The following WBP2NL variants were observed in gnomAD, a reference collection of about 807,000 sequenced individuals.
WBP2NL encodes the protein WBP2 N-terminal like, also known as postacrosomal sheath WW domain-binding protein.
Under a neutral mutation model 23.3 loss-of-function variants are expected in WBP2NL, and 27 were observed. The ratio of observed to expected loss-of-function variants is 1.16; its 90% CI spans 0.85 to 1.60. The LOEUF (loss-of-function observed/expected upper bound fraction) is 1.60. WBP2NL is among the 40% of genes most tolerant of loss of function. The pLI is 0.00. For synonymous variants in WBP2NL, 151 were observed against 145.9 expected (o/e 1.03, Z -0.25); for missense variants, 370 against 389.5 (o/e 0.95, Z 0.42).
intron 4 of WBP2NL, among the ~76,000 whole-genome samples, chr22:42,021,789 CTTTTTTTT>C (rs11413615): frequency 7.5e-6 from 1 of 132,696 alleles, no homozygotes; most frequent in Non-Finnish European, 1.6e-5. Flanking sequence ...TTCTTTCTTT[CTTTTTTTT>C]TTTTTTTTTT....
chr22:41,999,014 A>G (rs1921243830), intron 1 of WBP2NL, 134 bp downstream of exon 1: 6 of 977,542 alleles, frequency 6.1e-6, no homozygotes, highest in East Asian at 3.7e-5. Flanking sequence ...TCCGCCCCCG[A>G]CCTTTGGGAG....
At chr22:42,052,245 C>T (rs983169886) in intron 8 of WBP2NL, among the ~76,000 whole-genome samples, 6 of 152,114 alleles carry the variant, frequency 3.9e-5, no homozygotes, top group Admixed American at 3.9e-4. Flanking sequence ...TTTCTGAGAA[C>T]TTCTTGAAGC....
chr22:42,052,325 C>G (rs891647905), intron 8 of WBP2NL, among the ~76,000 whole-genome samples: 2 of 152,070 alleles, frequency 1.3e-5, no homozygotes, highest in African/African-American at 2.4e-5. Context: ...CTCTGTCACC[C>G]AGGCTGGAGT....
intron 4 of WBP2NL, among the ~76,000 whole-genome samples, chr22:42,021,199 C>T (rs773866050): frequency 4.0e-5 from 6 of 151,860 alleles, no homozygotes; most frequent in African/African-American, 7.3e-5. Flanking sequence ...GGATCACAGG[C>T]GTGAGCCAGC....
Position 41,998,795 on chromosome 22 carries a change from G to A in WBP2NL, c.-24G>A, listed in dbSNP as rs370963419. Reference sequence around the variant, plus strand: ...CAGGTCCCGCCCCTTTCCATCTACGGGGCGGCAGGAGGCCCGAAGCAAGAT... The same window carrying A: ...CAGGTCCCGCCCCTTTCCATCTACGAGGCGGCAGGAGGCCCGAAGCAAGAT... On this transcript the variant is annotated 5_prime_UTR_variant, in exon 1 of 6. Transcript: ENST00000328823. 12 of 1,604,898 alleles carry A rather than the reference G, an allele frequency of 7.5e-6. No homozygotes were observed. The African/African-American group carries it at 1.5e-4, about 20-fold the overall frequency.
chr22:42,056,611 C>T lies in WBP2NL; in HGVS notation c.*274-1679C>T, dbSNP rs146996218. Reference sequence around the variant, plus strand: ...TTATCTGGGAATGTTTTCATGTTGCCTTCATTTTTGAAAGATAGTTTGGCC... The same window carrying T: ...TTATCTGGGAATGTTTTCATGTTGCTTTCATTTTTGAAAGATAGTTTGGCC... On this transcript the variant is annotated intron_variant and NMD_transcript_variant, in intron 8 of 8. Transcript: ENST00000436265. Among the ~76,000 whole-genome samples the T allele has an allele frequency of 3.4e-3, 522 of 152,184 alleles. 5 individuals carry two copies. Among genetic ancestry groups the T allele is most frequent in the African/African-American group, 0.012 (502 of 41,532 alleles).
At position 42,019,658 on chromosome 22, in the gene WBP2NL, G is replaced by T; in HGVS notation, c.172-4G>T. 6.2e-7 allele frequency: 1 copy of T among 1,613,922 alleles called. No homozygotes were observed. Reference sequence around the variant, plus strand: ...CCTTTTCCAAAGTTTCTGTCCTTGCGTAGGTGATTTTCATAACTTCATGCT... The same window carrying T: ...CCTTTTCCAAAGTTTCTGTCCTTGCTTAGGTGATTTTCATAACTTCATGCT... On this transcript the variant is annotated splice_region_variant and splice_polypyrimidine_tract_variant and intron_variant, in intron 2 of 5. Transcript: ENST00000328823.
chr22:42,001,681 C>T, intron 1 of WBP2NL: 1 of 1,214,896 alleles, frequency 8.2e-7, no homozygotes, highest in Non-Finnish European at 1.2e-6. Context: ...GGAAGATCTG[C>T]TTGTATTTAT....
intron 1 of WBP2NL, chr22:42,001,720 G>C: frequency 8.3e-7 from 1 of 1,198,858 alleles, no homozygotes; most frequent in Non-Finnish European, 1.2e-6. Context: ...GAGCCTGGGT[G>C]GGGGAAGTAT....
At chr22:42,006,499 C>T (rs1922267844) in intron 1 of WBP2NL, among the ~76,000 whole-genome samples, 1 of 152,218 alleles carries the variant, frequency 6.6e-6, no homozygotes, top group East Asian at 1.9e-4. Context: ...TCCCAAAGTG[C>T]TGGCATTACA....
intron 1 of WBP2NL, 115 bp from the exon 2 acceptor site, chr22:42,019,195 TG>T: frequency 1.1e-6 from 1 of 885,934 alleles, no homozygotes; most frequent in Non-Finnish European, 1.7e-6. Flanking sequence ...CACTCCCGCC[TG>T]GGCAACAGAG....
intron 1 of WBP2NL, among the ~76,000 whole-genome samples, chr22:42,014,703 G>A (rs1923148887): frequency 6.6e-6 from 1 of 152,102 alleles, no homozygotes; most frequent in African/African-American, 2.4e-5. Context: ...CCTACTTCAA[G>A]TTCAATAATT....
chr22:42,036,686 T>C (rs1442645552), downstream of WBP2NL, among the ~76,000 whole-genome samples: 2 of 152,260 alleles, frequency 1.3e-5, no homozygotes, highest in Admixed American at 6.5e-5. Context: ...TTACAAATGT[T>C]GAACACATTT....
At chr22:42,044,446 A>G (rs1298983157) in intron 8 of WBP2NL, among the ~76,000 whole-genome samples, 2 of 152,204 alleles carry the variant, frequency 1.3e-5, no homozygotes, top group African/African-American at 4.8e-5. Flanking sequence ...CATTCAAGCC[A>G]TAGCAGGAAT....
chr22:42,045,649 ACT>A (rs1925559879), intron 8 of WBP2NL, among the ~76,000 whole-genome samples: 1 of 152,142 alleles, frequency 6.6e-6, no homozygotes, highest in African/African-American at 2.4e-5. Context: ...CTTGAAAGAA[ACT>A]CACACAAGAA....
intron 1 of WBP2NL, chr22:42,001,243 C>G (rs1921636497): frequency 1.4e-6 from 1 of 696,118 alleles, no homozygotes; most frequent in African/African-American, 1.8e-5. Flanking sequence ...TGCATCCTGA[C>G]TGCATCATCA....
At chr22:42,003,845 T>C (rs1303720976) in intron 1 of WBP2NL, among the ~76,000 whole-genome samples, 1 of 152,222 alleles carries the variant, frequency 6.6e-6, no homozygotes, top group Non-Finnish European at 1.5e-5. Context: ...TAAATACTGC[T>C]TAAATTGAAG....
In WBP2NL at chr22:42,020,115, G is replaced by A. The variant is rs1923745082; in HGVS notation, c.406+19G>A. The A allele has an allele frequency of 6.2e-7, 1 of 1,602,904 alleles. No individual in the cohort carries two copies. The highest frequency in any genetic ancestry group is 1.1e-5 in the South Asian group (1 of 89,458). On this transcript the variant is annotated intron_variant, in intron 4 of 5. Coordinates refer to ENST00000328823, the MANE Select transcript of WBP2NL (RefSeq NM_152613.3). ...TCTGCTGGTAAGTGATGCTGATAAA[G>A]ATATTAAGCACTTTGGGGTTTTTTG...
downstream of WBP2NL, among the ~76,000 whole-genome samples, chr22:42,029,276 G>A (rs1224965776): frequency 7.4e-6 from 1 of 134,852 alleles, no homozygotes; most frequent in Non-Finnish European, 1.5e-5. Flanking sequence ...GGGCAATATA[G>A]CGAGACCCTG....
Sources: allele counts gnomAD v4.1 joint callset (sites outside exome capture counted in the v4.1 genomes callset), GRCh38; gene constraint gnomAD v4.1.1; transcripts MANE v1.5; gene names NCBI Gene and HGNC (gene_info 2026-07-23, HGNC 2026-07-21).